Variants in NMBR observed in about 807,000 individuals in gnomAD.
NMBR encodes neuromedin-B receptor.
NMBR carries 16 observed loss-of-function variants against 20.5 expected under a neutral mutation model. The ratio of observed to expected loss-of-function variants is 0.78; its 90% confidence interval spans 0.53 to 1.19. The LOEUF is 1.19. Among genes scored for constraint, NMBR ranks in the 50% most tolerant of loss-of-function variants. The pLI is 0.00. For synonymous variants in NMBR, 212 were observed against 196.6 expected, an observed-to-expected ratio of 1.08 and a Z score of -0.65; for missense variants, 582 against 499.1, an observed-to-expected ratio of 1.17 and a Z score of -1.58.
At chr6:142,109,474 GTC>G (rs1231719642) in intron 1 of NMBR, among the ~76,000 whole-genome samples, 1 of 135,266 alleles carries the variant, frequency 7.4e-6, no homozygotes, top group African/African-American at 2.8e-5. Context: ...CATTGGGTAT[GTC>G]TTTTTTTTTT....
intron 1 of NMBR, among the ~76,000 whole-genome samples, chr6:142,140,142 T>C (rs963749386): frequency 2.6e-5 from 4 of 151,882 alleles, no homozygotes; most frequent in African/African-American, 7.3e-5. Flanking sequence ...TAAGAACTTA[T>C]TAAACAAAGA....
chr6:142,090,800 G>C (rs995505768), intron 1 of NMBR, among the ~76,000 whole-genome samples: 3 of 151,424 alleles, frequency 2.0e-5, no homozygotes, highest in Non-Finnish European at 2.9e-5. Context: ...AATTCAAACT[G>C]CAACTATGCC....
chr6:142,077,793 G>T (rs566240754), intron 3 of NMBR, among the ~76,000 whole-genome samples: 1 of 152,140 alleles, frequency 6.6e-6, no homozygotes, highest in African/African-American at 2.4e-5. Context: ...TGCAAAACCC[G>T]TTAGAAGTTC....
chr6:142,142,761 C>T (rs1284187594), intron 1 of NMBR, among the ~76,000 whole-genome samples: 1 of 151,938 alleles, frequency 6.6e-6, no homozygotes, highest in African/African-American at 2.4e-5. Flanking sequence ...TGGTCATGTA[C>T]ATAGAAAATT....
intron 1 of NMBR, among the ~76,000 whole-genome samples, chr6:142,114,916 A>G (rs1473918853): frequency 6.6e-6 from 1 of 152,138 alleles, no homozygotes; most frequent in Non-Finnish European, 1.5e-5. Context: ...CTAGAGCAGT[A>G]AAATAATATT....
intron 1 of NMBR, chr6:142,134,698 T>C: frequency 1.4e-6 from 1 of 695,298 alleles, no homozygotes; most frequent in Non-Finnish European, 2.6e-6. Flanking sequence ...AATAGCATTC[T>C]GGCTTCAGAT....
chr6:142,084,241 T>A (rs75162661), intron 2 of NMBR, among the ~76,000 whole-genome samples: 4,921 of 152,310 alleles, frequency 0.032, 249 homozygotes, highest in African/African-American at 0.11. Context: ...CAATAAAATA[T>A]CTGTTTGCAT....
At chr6:142,145,020 T>TGAAAAAAAAAAAAAAA (rs71840613) in intron 1 of NMBR, among the ~76,000 whole-genome samples, 1 of 97,642 alleles carries the variant, frequency 1.0e-5, no homozygotes. Flanking sequence ...AGAACCTGTC[T>TGAAAAAAAAAAAAAAA]AAAAAAAAAA....
rs1256172866 is a variant in NMBR, at chr6:142,078,655, G to A, written c.671C>T (p.Pro224Leu). ...ATAATAAATGCTAATAATAGCAAGTGGTATGAGGAAATAGACCAAGAAAAT... is the reference window on the plus strand; with the variant it reads ...ATAATAAATGCTAATAATAGCAAGTAGTATGAGGAAATAGACCAAGAAAAT... ...VLIFLVYFLI[P>L]LAIISIYYYH... The change falls in exon 3 of 4, where the codon CCA becomes CTA. Residue 224 changes from proline to leucine, a missense_variant. Coordinates refer to ENST00000258042, the MANE Select transcript of NMBR (RefSeq NM_002511.4). 1.2e-6 allele frequency: 2 copies of A among 1,612,274 alleles called. No individual in the cohort carries two copies.
chr6:142,094,373 G>A (rs1399132429), intron 1 of NMBR, among the ~76,000 whole-genome samples: 2 of 152,048 alleles, frequency 1.3e-5, no homozygotes, highest in Non-Finnish European at 1.5e-5. Flanking sequence ...ACATATGGCT[G>A]ACCAGTTTTC....
chr6:142,081,232 C>T (rs77952812), intron 2 of NMBR, among the ~76,000 whole-genome samples: 1,970 of 152,230 alleles, frequency 0.013, 49 homozygotes, highest in African/African-American at 0.045. Context: ...CAAAGGCCCA[C>T]CTCTTAATGC....
At chr6:142,113,899 A>C (rs886080972) in intron 1 of NMBR, among the ~76,000 whole-genome samples, 3 of 152,206 alleles carry the variant, frequency 2.0e-5, no homozygotes, top group Admixed American at 2.0e-4. Flanking sequence ...TTGTAAATAT[A>C]AATGTAGCCA....
rs1386663941 is a variant in NMBR, at chr6:142,119,104, C to T, written c.-664+27940G>A. Among the ~76,000 whole-genome samples, 4 of 151,966 alleles carry T rather than the reference C, an allele frequency of 2.6e-5. No individual in the cohort carries two copies. In the East Asian group the frequency reaches 5.8e-4, roughly 22 times the overall value. On this transcript the variant is annotated intron_variant, in intron 1 of 3. Transcript: ENST00000258042. ...TGTTCTGAATTGAGATGGGAGTAGG[C>T]TCTATAGCACCACATCAGCCAGTTA...
intron 1 of NMBR, among the ~76,000 whole-genome samples, chr6:142,097,823 A>G (rs188443551): frequency 6.6e-6 from 1 of 152,288 alleles, no homozygotes; most frequent in African/African-American, 2.4e-5. Context: ...TGTGTTGAAG[A>G]AGGAAGTTGC....
At chr6:142,135,000 C>G in intron 1 of NMBR, 1 of 452,574 alleles carries the variant, frequency 2.2e-6, no homozygotes. Flanking sequence ...AGTACAATTT[C>G]AAAACAAACT....
At chr6:142,110,505 G>C (rs1351879112) in intron 1 of NMBR, among the ~76,000 whole-genome samples, 1 of 152,136 alleles carries the variant, frequency 6.6e-6, no homozygotes, top group Non-Finnish European at 1.5e-5. Context: ...GAAATGGAGT[G>C]CATGAAATTT....
At chr6:142,077,685 C>A (rs1463785988) in intron 3 of NMBR, among the ~76,000 whole-genome samples, 2 of 152,192 alleles carry the variant, frequency 1.3e-5, no homozygotes, top group Non-Finnish European at 2.9e-5. Context: ...AAGGCCCCAG[C>A]CTAATGCTCC....
chr6:142,138,580 T>C (rs375430837), intron 1 of NMBR, among the ~76,000 whole-genome samples: 4 of 152,204 alleles, frequency 2.6e-5, no homozygotes, highest in Non-Finnish European at 4.4e-5. Flanking sequence ...ACTTTCTTTA[T>C]TTAGAATAAC....
At chr6:142,099,877 T>TA (rs1482289716) in intron 1 of NMBR, among the ~76,000 whole-genome samples, 1 of 151,684 alleles carries the variant, frequency 6.6e-6, no homozygotes, top group African/African-American at 2.4e-5. Context: ...AGTAAAAAAA[T>TA]AAAAAATCCA....
Sources: gnomAD v4.1 joint callset for allele counts (sites outside exome capture counted in the v4.1 genomes callset) on GRCh38, gnomAD v4.1.1 for gene constraint, MANE v1.5 for transcripts, NCBI Gene and HGNC (gene_info 2026-07-23, HGNC 2026-07-21) for gene names.